The following TLN2 variants were observed in gnomAD, a reference collection of about 807,000 sequenced individuals.
TLN2 encodes the protein talin 2, also known as talin-2.
In TLN2, 118 loss-of-function variants were observed where a neutral mutation model predicts 294.7. The ratio of observed to expected loss-of-function variants is 0.40; its 90% CI spans 0.34 to 0.47. The LOEUF (loss-of-function observed/expected upper bound fraction) is 0.47. Ranked by LOEUF, TLN2 falls within the 20% of genes least tolerant of loss-of-function variation. The pLI, the probability that TLN2 is intolerant of heterozygous loss-of-function variation, is 0.84. For synonymous variants in TLN2, 1,431 were observed against 1,304.5 expected (o/e 1.10, Z -2.09); for missense variants, 3,083 against 3,282.2 (o/e 0.94, Z 1.48).
At chr15:62,491,759 C>T (rs1189918242) in intron 1 of TLN2, among the ~76,000 whole-genome samples, 1 of 152,168 alleles carries the variant, frequency 6.6e-6, no homozygotes, top group East Asian at 1.9e-4. Flanking sequence ...TTTCCTTTCA[C>T]AACTCTTACA....
Position 62,548,427 on chromosome 15 carries a change from G to A in TLN2, c.-237-41260G>A, listed in dbSNP as rs551335396. On this transcript the variant is annotated intron_variant, in intron 1 of 58. Transcript: ENST00000636159. ...ACCCCAAATTGGCTTAAACAATAAA[G>A]ACAATGCATTGGCTCAATAACTGGA... Among the ~76,000 whole-genome samples, 37 of 152,308 alleles carry A rather than the reference G, an allele frequency of 2.4e-4. 1 individual carries two copies. The highest frequency in any genetic ancestry group is 1.0e-3 in the South Asian group (5 of 4,828).
rs764248336 is a variant in TLN2, at chr15:62,582,246, A to ACACACACACACACACACACC, written c.-237-7439_-237-7438insCACACACACACACACACCCA. Among the ~76,000 whole-genome samples, 249 of 137,300 alleles carry ACACACACACACACACACACC rather than the reference A, an allele frequency of 1.8e-3. 4 individuals are homozygous for ACACACACACACACACACACC. Among genetic ancestry groups the ACACACACACACACACACACC allele is most frequent in the Middle Eastern group, 3.6e-3 (1 of 276 alleles). 90.1% of individuals were successfully genotyped at this position (137,300 alleles called of 152,430 possible). On this transcript the variant is annotated intron_variant, in intron 1 of 58. Transcript: ENST00000636159. The stretch of plus-strand genomic sequence containing the variant: ...CACACACACACACACACACACACAC[A>ACACACACACACACACACACC]CATTCATGCCTGACCCATTCCTGAC...
chr15:62,581,455 A>G (rs567081540), intron 1 of TLN2, among the ~76,000 whole-genome samples: 21 of 152,178 alleles, frequency 1.4e-4, no homozygotes, highest in African/African-American at 5.1e-4. Context: ...ACACTTACCT[A>G]TGGTGTTCAT....
In TLN2 at chr15:62,739,304, G is replaced by A. The variant is rs758564011; in HGVS notation, c.3688-44G>A. On this transcript the variant is annotated intron_variant, in intron 30 of 58. Coordinates refer to ENST00000636159, the MANE Select transcript of TLN2 (RefSeq NM_015059.3). ...AATACCTTCCTTTTATCCCTCCCCT[G>A]CAAAGCAGAATGTCTCATGGGGTGT... 9.5e-6 allele frequency: 15 copies of A among 1,577,570 alleles called. No individual in the cohort carries two copies. The Admixed American group carries it at 1.4e-4, about 15-fold the overall frequency.
chr15:62,558,999 C>G (rs1283937968), intron 1 of TLN2, among the ~76,000 whole-genome samples: 2 of 152,176 alleles, frequency 1.3e-5, no homozygotes, highest in African/African-American at 4.8e-5. Context: ...TGTCTTCAGC[C>G]CAATAATCCT....
chr15:62,442,827 G>A (rs191924757), intron 1 of TLN2, among the ~76,000 whole-genome samples: 1 of 152,122 alleles, frequency 6.6e-6, no homozygotes, highest in Non-Finnish European at 1.5e-5. Context: ...TAAACTCAAG[G>A]TGTCAGCAGG....
At chr15:62,585,211 G>A (rs555742972) in intron 1 of TLN2, among the ~76,000 whole-genome samples, 112 of 152,294 alleles carry the variant, frequency 7.4e-4, no homozygotes, top group African/African-American at 2.4e-3. Context: ...GTAAAACGAG[G>A]AAAACCAGTC....
intron 9 of TLN2, among the ~76,000 whole-genome samples, chr15:62,659,645 T>C (rs1399423099): frequency 6.6e-6 from 1 of 152,216 alleles, no homozygotes; most frequent in Non-Finnish European, 1.5e-5. Context: ...ATTGAGTTTG[T>C]TTCTTTTTTT....
chr15:62,446,093 G>A (rs1026323714), intron 1 of TLN2, among the ~76,000 whole-genome samples: 12 of 151,630 alleles, frequency 7.9e-5, no homozygotes, highest in African/African-American at 2.2e-4. Flanking sequence ...TGCAAGCTCC[G>A]CCTCCCGGGT....
In TLN2 at chr15:62,714,195, T is replaced by G. The variant is rs893674245; in HGVS notation, c.2634+2118T>G. ...GAGCCAGGCCAATGTGCACGTTTTT[T>G]TTTTTTTTTTTTTCTTTTTTTTTTT... is the stretch of plus-strand genomic sequence containing the variant. On this transcript the variant is annotated intron_variant, in intron 22 of 58. Coordinates refer to ENST00000636159, the MANE Select transcript of TLN2 (RefSeq NM_015059.3). Among the ~76,000 whole-genome samples the G allele has an allele frequency of 4.7e-5, 4 of 84,812 alleles. No homozygotes were observed. In the South Asian group the frequency reaches 1.7e-3, roughly 37 times the overall value. 55.6% of individuals were successfully genotyped at this position (84,812 alleles called of 152,430 possible). A position where few individuals can be genotyped will look rare whatever the true frequency, so the allele number is the denominator to read the frequency against.
chr15:62,623,441 A>G (rs1313698539), intron 3 of TLN2, among the ~76,000 whole-genome samples: 1 of 152,212 alleles, frequency 6.6e-6, no homozygotes, highest in Non-Finnish European at 1.5e-5. Flanking sequence ...ACCAAAACCA[A>G]CTTACATTCA....
intron 45 of TLN2, 46 bp downstream of exon 45, chr15:62,783,936 G>A (rs764382241): frequency 6.2e-7 from 1 of 1,608,544 alleles, no homozygotes; most frequent in South Asian, 1.1e-5. Context: ...ACACACACTG[G>A]TGCCCACTCC....
chr15:62,423,366 T>G (rs1376012987), intron 1 of TLN2, among the ~76,000 whole-genome samples: 1 of 152,036 alleles, frequency 6.6e-6, no homozygotes, highest in Non-Finnish European at 1.5e-5. Context: ...GTGAGACCCT[T>G]TTTTAAAAAA....
At chr15:62,835,518 G>A (rs933258001) in intron 55 of TLN2, 18 of 590,500 alleles carry the variant, frequency 3.0e-5, no homozygotes, top group Admixed American at 1.5e-4. Context: ...ATTTCCTGTC[G>A]CCTCTTGGTG....
At chr15:62,562,117 T>C (rs751086208) in intron 1 of TLN2, among the ~76,000 whole-genome samples, 1 of 152,242 alleles carries the variant, frequency 6.6e-6, no homozygotes, top group East Asian at 1.9e-4. Context: ...TTTGGAGATA[T>C]TGTCTCTTAA....
At chr15:62,417,951 C>T (rs570925605) in intron 1 of TLN2, among the ~76,000 whole-genome samples, 1 of 152,198 alleles carries the variant, frequency 6.6e-6, no homozygotes, top group Admixed American at 6.5e-5. Flanking sequence ...TGCCCCCTGG[C>T]CTGTCTTAAG....
At chr15:62,699,818 C>G (rs757111462) in intron 16 of TLN2, among the ~76,000 whole-genome samples, 8 of 152,242 alleles carry the variant, frequency 5.3e-5, no homozygotes, top group Non-Finnish European at 7.3e-5. Flanking sequence ...GCCCAAAGCA[C>G]CAGTTCTGAC....
intron 21 of TLN2, 147 bp from the exon 22 acceptor site, chr15:62,711,764 A>G: frequency 1.3e-6 from 1 of 799,754 alleles, no homozygotes; most frequent in Non-Finnish European, 1.8e-6. Flanking sequence ...TCTAATTTGG[A>G]TGCATGGCTT....
intron 1 of TLN2, among the ~76,000 whole-genome samples, chr15:62,545,849 T>A (rs1326140747): frequency 1.3e-5 from 2 of 152,122 alleles, no homozygotes; most frequent in African/African-American, 4.8e-5. Flanking sequence ...AAACCAAAGT[T>A]GGGGGTGTTT....
Sources: allele counts gnomAD v4.1 joint callset (sites outside exome capture counted in the v4.1 genomes callset), GRCh38; gene constraint gnomAD v4.1.1; transcripts MANE v1.5; gene names NCBI Gene and HGNC (gene_info 2026-07-23, HGNC 2026-07-21).